Variants in ING1 observed in about 807,000 individuals in gnomAD.
ING1 encodes inhibitor of growth protein 1.
A neutral mutation model predicts 23.1 loss-of-function variants in ING1; 4 were observed. The ratio of observed to expected loss-of-function variants is 0.17; its 90% CI spans 0.09 to 0.40. ING1 has a LOEUF of 0.40. ING1 is among the 10% of genes least tolerant of loss of function. ING1 has a pLI of 1.00. For synonymous variants in ING1, 179 were observed against 166.4 expected (o/e 1.08, Z -0.58); for missense variants, 256 against 393.8 (o/e 0.65, Z 2.96).
chr13:110,715,245 G>C, intron 1 of ING1: 1 of 1,361,500 alleles, frequency 7.3e-7, no homozygotes, highest in Non-Finnish European at 9.4e-7. Flanking sequence ...ATGTTTACAA[G>C]GCTGCGCAGT....
In ING1 at chr13:110,713,941, CGGCCCGCGCCCTCAGGCGCT is replaced by C. The variant is rs2064074167; in HGVS notation, c.-206_-187del. 1 of 1,002,806 alleles carries C rather than the reference CGGCCCGCGCCCTCAGGCGCT, an allele frequency of 1.0e-6. No individual in the cohort carries two copies. Among genetic ancestry groups the C allele is most frequent in the Non-Finnish European group, 1.2e-6 (1 of 842,394 alleles). The allele number at this position is 1,002,806 out of a possible 1,614,324, so 62.1% of individuals were successfully genotyped here. ...GTGCGCCCGGGAGCCACCGCCACCG[CGGCCCGCGCCCTCAGGCGCT>C]GGGGTCCCCGCGGACCCGGAGGCGG... On this transcript the variant is annotated 5_prime_UTR_variant, in exon 1 of 2. Transcript: ENST00000333219.
At chr13:110,718,300 C>G (rs2064140943) in intron 1 of ING1, among the ~76,000 whole-genome samples, 1 of 152,192 alleles carries the variant, frequency 6.6e-6, no homozygotes, top group Admixed American at 6.5e-5. Context: ...TCTGTAGTCC[C>G]AGCTACTCAG....
Position 110,719,297 on chromosome 13 carries a change from C to A in ING1, c.205C>A (p.Arg69=). The part of the protein sequence containing the change: ...SRETDGAQKR[R]MLHCVQRALI... ...CGAGACAGACGGGGCGCAGAAGCGGCGGATGCTGCACTGTGTGCAGCGCGC... is the reference window on the plus strand; with the variant it reads ...CGAGACAGACGGGGCGCAGAAGCGGAGGATGCTGCACTGTGTGCAGCGCGC... Residue 69 remains arginine (R), a synonymous_variant, in exon 2 of 2, where the codon CGG becomes AGG. Coordinates refer to ENST00000333219, the MANE Select transcript of ING1 (RefSeq NM_198219.3). This position sits in a 1 kb window ranked among gnomAD's most constrained non-coding sequence, Gnocchi z 8.9. 1 of 1,610,662 alleles carries A rather than the reference C, an allele frequency of 6.2e-7. No individual in the cohort carries two copies. The highest frequency in any genetic ancestry group is 8.5e-7 in the Non-Finnish European group (1 of 1,179,914).
upstream of ING1, chr13:110,713,239 T>A (rs2064058010): frequency 2.7e-5 from 38 of 1,385,998 alleles, no homozygotes; most frequent in Non-Finnish European, 3.5e-5. Flanking sequence ...CTACTTATAC[T>A]GCTCTGTGGG....
At chr13:110,714,379 A>T (rs1594451086) in intron 1 of ING1, 94 bp downstream of exon 1, 4 of 1,146,138 alleles carry the variant, frequency 3.5e-6, no homozygotes, top group Non-Finnish European at 4.4e-6. Flanking sequence ...CGTGGACCGG[A>T]GGAAGCGGCC....
rs781382563 is a variant in ING1, at chr13:110,715,978, C to G, written c.136+1693C>G. ...GTTTCAGGCCGCATCTCTGCTGACC[C>G]GAGGGTGGGGCCGCGCGTGGCCGTG... is the stretch of plus-strand genomic sequence containing the variant. On this transcript the variant is annotated intron_variant, in intron 1 of 1. Transcript: ENST00000333219. 4 of 1,515,240 alleles carry G rather than the reference C, an allele frequency of 2.6e-6. No homozygotes were observed. In the African/African-American group the frequency reaches 4.2e-5, roughly 16 times the overall value. 93.9% of individuals were successfully genotyped at this position (1,515,240 alleles called of 1,614,324 possible).
At position 110,715,981 on chromosome 13, in the gene ING1, G is replaced by A. The variant is rs1331407366; in HGVS notation, c.136+1696G>A. ...TCAGGCCGCATCTCTGCTGACCCGA[G>A]GGTGGGGCCGCGCGTGGCCGTGGAA... On this transcript the variant is annotated intron_variant, in intron 1 of 1. Coordinates refer to ENST00000333219, the MANE Select transcript of ING1 (RefSeq NM_198219.3). 3 of 1,511,996 alleles carry A rather than the reference G, an allele frequency of 2.0e-6. No homozygotes were observed. In the Admixed American group the frequency reaches 6.7e-5, roughly 34 times the overall value. 93.7% of individuals were successfully genotyped at this position (1,511,996 alleles called of 1,614,324 possible).
chr13:110,714,014 G>T lies in ING1; in HGVS notation c.-136G>T. 1 of 1,184,752 alleles carries T rather than the reference G, an allele frequency of 8.4e-7. No individual in the cohort carries two copies. Among genetic ancestry groups the T allele is most frequent in the Non-Finnish European group, 1.0e-6 (1 of 955,506 alleles). The allele number at this position is 1,184,752 out of a possible 1,614,324, so 73.4% of individuals were successfully genotyped here. A position where few individuals can be genotyped will look rare whatever the true frequency, so the allele number is the denominator to read the frequency against. ...GACGGGCTCGGCAGATGTAGCCGCCGGGCCGAAGCAGGAGCCGGCGGGGGG... is the reference window on the plus strand; with the variant it reads ...GACGGGCTCGGCAGATGTAGCCGCCTGGCCGAAGCAGGAGCCGGCGGGGGG... On this transcript the variant is annotated 5_prime_UTR_variant, in exon 1 of 2. Coordinates refer to ENST00000333219, the MANE Select transcript of ING1 (RefSeq NM_198219.3).
In ING1 at chr13:110,713,889, G is replaced by A; in HGVS notation, c.-261G>A. 4.1e-6 allele frequency: 4 copies of A among 981,608 alleles called. No homozygotes were observed. Among genetic ancestry groups the A allele is most frequent in the Non-Finnish European group, 4.8e-6 (4 of 828,494 alleles). The allele number at this position is 981,608 out of a possible 1,614,324, so 60.8% of individuals were successfully genotyped here. ...CCCCGGCGCCAGCCCCGCCGCCTGA[G>A]AGGGGGCCTGCGCCGCCGGCCGGGG... is the stretch of plus-strand genomic sequence containing the variant. On this transcript the variant is annotated 5_prime_UTR_variant, in exon 1 of 2. Transcript: ENST00000333219.
rs771180079 is a variant in ING1, at chr13:110,715,829, C to T, written c.136+1544C>T. 8.2e-6 allele frequency: 13 copies of T among 1,588,310 alleles called. No individual in the cohort carries two copies. In the South Asian group the frequency reaches 1.2e-4, roughly 15 times the overall value. On this transcript the variant is annotated intron_variant, in intron 1 of 1. Transcript: ENST00000333219. ...CGGGTGTCGCCCCGGCCCCTCTCCC[C>T]GCTCAGCCCGGCCACTTTCGGGCGC...
upstream of ING1, chr13:110,712,866 A>C: frequency 7.7e-7 from 1 of 1,300,492 alleles, no homozygotes; most frequent in South Asian, 1.3e-5. Context: ...CTTTGTCTCC[A>C]AGCCGTTCCA....
At chr13:110,716,469 C>G (rs963958968) in intron 1 of ING1, among the ~76,000 whole-genome samples, 2 of 152,102 alleles carry the variant, frequency 1.3e-5, no homozygotes, top group Non-Finnish European at 2.9e-5. Flanking sequence ...CAGACCTACT[C>G]TGTAGGAAGT....
rs1295358578 is a variant in ING1, at chr13:110,720,602, G to A, written c.*670G>A. On this transcript the variant is annotated 3_prime_UTR_variant, in exon 2 of 2. Coordinates refer to ENST00000333219, the MANE Select transcript of ING1 (RefSeq NM_198219.3). ...TACCCATCTTTAATTTATATCAGGT[G>A]TATAAATGTACATTTCCAAATGAAC... The A allele has an allele frequency of 2.4e-5, 4 of 167,024 alleles. No individual in the cohort carries two copies. The highest frequency in any genetic ancestry group is 2.0e-4 in the Admixed American group (3 of 15,268). 10.3% of individuals were successfully genotyped at this position (167,024 alleles called of 1,614,324 possible).
Position 110,720,022 on chromosome 13 carries a change from T to C in ING1, c.*90T>C. 1 of 922,024 alleles carries C rather than the reference T, an allele frequency of 1.1e-6. No individual in the cohort carries two copies. Among genetic ancestry groups the C allele is most frequent in the Non-Finnish European group, 1.6e-6 (1 of 630,318 alleles). 57.1% of individuals were successfully genotyped at this position (922,024 alleles called of 1,614,324 possible). On this transcript the variant is annotated 3_prime_UTR_variant, in exon 2 of 2. Coordinates refer to ENST00000333219, the MANE Select transcript of ING1 (RefSeq NM_198219.3). ...TTGTTGAGGTGCAAGGAGTGTAAAATGTATATTTTTAAAGAATGTTAGTAA... is the reference window on the plus strand; with the variant it reads ...TTGTTGAGGTGCAAGGAGTGTAAAACGTATATTTTTAAAGAATGTTAGTAA...
intron 1 of ING1, chr13:110,715,757 C>T: frequency 6.3e-7 from 1 of 1,581,900 alleles, no homozygotes. Flanking sequence ...TCTCGGGGTG[C>T]GGGGCGAGTC....
chr13:110,715,590 T>C (rs990329045), intron 1 of ING1: 2 of 1,613,766 alleles, frequency 1.2e-6, no homozygotes, highest in African/African-American at 2.7e-5. Context: ...GGGTGGAGGG[T>C]GGACGAGTTG....
chr13:110,717,500 C>G (rs892108431), intron 1 of ING1, among the ~76,000 whole-genome samples: 1 of 152,172 alleles, frequency 6.6e-6, no homozygotes, highest in Admixed American at 6.5e-5. Context: ...TTTAGACAAT[C>G]CCTCCCACTC....
chr13:110,713,019 C>T (rs1293144632), upstream of ING1: 2 of 1,514,472 alleles, frequency 1.3e-6, no homozygotes, highest in East Asian at 2.5e-5. Flanking sequence ...TCAAAGGACA[C>T]CGAGAGGGTG....
chr13:110,715,454 TG>T (rs2064105763), intron 1 of ING1: 1 of 1,595,544 alleles, frequency 6.3e-7, no homozygotes, highest in Non-Finnish European at 8.6e-7. Flanking sequence ...ATGTCCTTCG[TG>T]GAATGTCCTT....
Sources: gnomAD v4.1 joint callset for allele counts (sites outside exome capture counted in the v4.1 genomes callset) on GRCh38, gnomAD v4.1.1 for gene constraint, Gnocchi (gnomAD v3.1) non-coding constraint, MANE v1.5 for transcripts, NCBI Gene and HGNC (gene_info 2026-07-23, HGNC 2026-07-21) for gene names.